The following CDK5RAP2 variants were observed in gnomAD, a reference collection of about 807,000 sequenced individuals.
The protein encoded by CDK5RAP2 is CDK5 regulatory subunit-associated protein 2.
In CDK5RAP2, 147 loss-of-function variants were observed where a neutral mutation model predicts 232.9. The ratio of observed to expected loss-of-function variants is 0.63; its 90% confidence interval spans 0.55 to 0.72. The LOEUF (loss-of-function observed/expected upper bound fraction) is 0.72, where lower values mean the gene tolerates loss of function less well. Among genes scored for constraint, CDK5RAP2 ranks in the 30% least tolerant of loss-of-function variants. The probability of loss-of-function intolerance (pLI) is 0.00; values close to 1 mark genes in which losing one functional copy is unlikely to be tolerated. For missense variants in CDK5RAP2, 2,195 were observed against 2,231.5 expected, an observed-to-expected ratio of 0.98 and a Z score of 0.33; for synonymous variants, 833 against 833.7, an observed-to-expected ratio of 1.00 and a Z score of 0.01.
rs1221704469 is a variant in CDK5RAP2, at chr9:120,497,439, AAAAAAAAAAAAAAAAG to A, written c.1312-5978_1312-5963del. Among the ~76,000 whole-genome samples, 9 of 90,080 alleles carry A rather than the reference AAAAAAAAAAAAAAAAG, an allele frequency of 1.0e-4. 1 individual carries two copies. Among genetic ancestry groups the A allele is most frequent in the Non-Finnish European group, 1.4e-4 (7 of 51,592 alleles). The allele number at this position is 90,080 out of a possible 152,430, so 59.1% of individuals were successfully genotyped here. On this transcript the variant is annotated intron_variant, in intron 12 of 37. Transcript: ENST00000349780. ...ATAAATTTAAAAAAAAAAAAAAAAA[AAAAAAAAAAAAAAAAG>A]AATCATCAATGGATGCTAGAATTCT...
chr9:120,409,522 G>C (rs936662585), intron 29 of CDK5RAP2, among the ~76,000 whole-genome samples: 1 of 152,170 alleles, frequency 6.6e-6, no homozygotes, highest in Non-Finnish European at 1.5e-5. Flanking sequence ...GGATAAAATG[G>C]GCCTGTTTAA....
intron 35 of CDK5RAP2, among the ~76,000 whole-genome samples, chr9:120,396,213 CCAAACAGATCCTAAT>C (rs1252591499): frequency 1.3e-5 from 2 of 152,168 alleles, no homozygotes; most frequent in African/African-American, 4.8e-5. Context: ...ACAGTTCTTC[CCAAACAGATCCTAAT>C]TTTAAACATT....
intron 15 of CDK5RAP2, among the ~76,000 whole-genome samples, 160 bp downstream of exon 15, chr9:120,477,190 A>G (rs1304009119): frequency 6.6e-6 from 1 of 152,262 alleles, no homozygotes; most frequent in African/African-American, 2.4e-5. Context: ...TGACTATCAA[A>G]TAGGGCAGTC....
intron 37 of CDK5RAP2, 145 bp downstream of exon 37, chr9:120,389,596 T>G: frequency 1.3e-6 from 1 of 776,182 alleles, no homozygotes; most frequent in Non-Finnish European, 2.2e-6. Context: ...ACACAACTTT[T>G]CATGCACTGC....
intron 12 of CDK5RAP2, among the ~76,000 whole-genome samples, chr9:120,514,340 T>C (rs1242557584): frequency 6.6e-6 from 1 of 152,140 alleles, no homozygotes; most frequent in Middle Eastern, 3.4e-3. Context: ...AACATGTGGT[T>C]CTAGGGAGGC....
At chr9:120,402,560 G>A (rs1039780203) in intron 34 of CDK5RAP2, among the ~76,000 whole-genome samples, 3 of 152,168 alleles carry the variant, frequency 2.0e-5, no homozygotes, top group South Asian at 2.1e-4. Context: ...TACAGAGGCC[G>A]TCATGGGAAC....
Position 120,518,450 on chromosome 9 carries a change from T to C in CDK5RAP2, c.1288A>G (p.Ser430Gly), listed in dbSNP as rs1439821805. The C allele has an allele frequency of 6.2e-7, 1 of 1,613,614 alleles. No homozygotes were observed. Among genetic ancestry groups the C allele is most frequent in the Admixed American group, 1.7e-5 (1 of 59,960 alleles). ...ACACGGATGGTGCAGTCTCCTTTGC[T>C]CTTCTCTCGATGGGCTTCCTCCAGG... ...KDLEEAHREKSKGDCTIRDLR... is the reference protein window; with the variant it reads ...KDLEEAHREKGKGDCTIRDLR... Residue 430 changes from serine (S) to glycine (G), a missense_variant, in exon 12 of 38, where the codon AGC becomes GGC. Ser to Gly is a moderately conservative substitution (Grantham distance 56). Coordinates refer to ENST00000349780, the MANE Select transcript of CDK5RAP2 (RefSeq NM_018249.6).
chr9:120,561,348 G>A (rs1274036877), intron 3 of CDK5RAP2, among the ~76,000 whole-genome samples: 1 of 152,116 alleles, frequency 6.6e-6, no homozygotes, highest in Non-Finnish European at 1.5e-5. Flanking sequence ...TCAGGCTAGA[G>A]TGCAGTGGCG....
At chr9:120,575,970 AC>A (rs1377931108) in intron 1 of CDK5RAP2, among the ~76,000 whole-genome samples, 3 of 152,116 alleles carry the variant, frequency 2.0e-5, no homozygotes, top group African/African-American at 7.2e-5. Context: ...TGTTCTTCAA[AC>A]CTTACTGACC....
intron 12 of CDK5RAP2, among the ~76,000 whole-genome samples, chr9:120,518,211 G>GTGTGAC (rs1554770754): frequency 4.0e-3 from 125 of 31,620 alleles, no homozygotes; most frequent in Non-Finnish European, 7.4e-3. Flanking sequence ...GTGTGTGTGT[G>GTGTGAC]AGAGAGAGAG....
At chr9:120,444,563 A>G (rs1419069213) in intron 22 of CDK5RAP2, among the ~76,000 whole-genome samples, 1 of 152,242 alleles carries the variant, frequency 6.6e-6, no homozygotes, top group East Asian at 1.9e-4. Context: ...ATGGATTAGA[A>G]GAAGGTAGAT....
rs550147702 is a variant in CDK5RAP2 at position 120,505,193 on chromosome 9, C to T, written c.1311+13234G>A. On this transcript the variant is annotated intron_variant, in intron 12 of 37. Transcript: ENST00000349780. ...CTTTTCCAACAGCATGTGTTCATTT[C>T]GTGTCTCTGTGTCGCCTTTTGGTAA... Among the ~76,000 whole-genome samples, 254 of 152,258 alleles carry T rather than the reference C, an allele frequency of 1.7e-3. 1 individual carries two copies. The highest frequency in any genetic ancestry group is 0.01 in the Middle Eastern group (3 of 292).
chr9:120,481,330 A>G (rs901058716), intron 14 of CDK5RAP2, among the ~76,000 whole-genome samples: 3 of 152,166 alleles, frequency 2.0e-5, no homozygotes, highest in Admixed American at 6.5e-5. Context: ...CATCACTGTC[A>G]GCCACATAAA....
chr9:120,542,408 G>C (rs1023869910), intron 5 of CDK5RAP2, among the ~76,000 whole-genome samples: 5 of 151,936 alleles, frequency 3.3e-5, no homozygotes, highest in Non-Finnish European at 7.4e-5. Flanking sequence ...GGGAGGCTGA[G>C]GCAGAAGAAT....
intron 14 of CDK5RAP2, among the ~76,000 whole-genome samples, chr9:120,480,295 G>A (rs976174156): frequency 6.6e-6 from 1 of 152,070 alleles, no homozygotes; most frequent in East Asian, 1.9e-4. Flanking sequence ...AGGAATATGA[G>A]CAAGGGAAAA....
At chr9:120,481,053 C>T (rs1428140492) in intron 14 of CDK5RAP2, among the ~76,000 whole-genome samples, 1 of 152,236 alleles carries the variant, frequency 6.6e-6, no homozygotes, top group Admixed American at 6.5e-5. Context: ...CAAGGAGGCT[C>T]TCCAGGGCCA....
intron 25 of CDK5RAP2, among the ~76,000 whole-genome samples, chr9:120,423,392 T>G (rs1165881790): frequency 6.6e-6 from 1 of 152,180 alleles, no homozygotes; most frequent in Admixed American, 6.5e-5. Context: ...TTTAATTATT[T>G]CTTTAGGAAG....
chr9:120,519,475 G>A (rs1349609353), intron 11 of CDK5RAP2, among the ~76,000 whole-genome samples: 7 of 151,776 alleles, frequency 4.6e-5, no homozygotes, highest in Middle Eastern at 3.4e-3. Flanking sequence ...AAATAGATTC[G>A]GGTATATGAA....
At chr9:120,470,572 T>C (rs907390490) in intron 16 of CDK5RAP2, among the ~76,000 whole-genome samples, 1 of 151,972 alleles carries the variant, frequency 6.6e-6, no homozygotes, top group Admixed American at 6.6e-5. Flanking sequence ...ACTGATTCTG[T>C]TTAGGGGAAA....
Sources: allele counts gnomAD v4.1 joint callset (sites outside exome capture counted in the v4.1 genomes callset), GRCh38; gene constraint gnomAD v4.1.1; transcripts MANE v1.5; gene names NCBI Gene and HGNC (gene_info 2026-07-23, HGNC 2026-07-21).